The following DLG2 variants were observed in gnomAD, a reference collection of about 807,000 sequenced individuals.
The protein encoded by DLG2 is discs large MAGUK scaffold protein 2.
Under a neutral mutation model 132.5 loss-of-function variants are expected in DLG2, and 45 were observed. The observed-to-expected ratio is 0.34, with a 90% CI of 0.27 to 0.44. The LOEUF (loss-of-function observed/expected upper bound fraction) is 0.44. DLG2 is among the 20% of genes least tolerant of loss of function. DLG2 has a pLI of 1.00. For synonymous variants in DLG2, 424 were observed against 419.6 expected (o/e 1.01, Z -0.13); for missense variants, 1,045 against 1,196.9 (o/e 0.87, Z 1.87).
chr11:85,339,058 C>T (rs2082314902), intron 3 of DLG2, among the ~76,000 whole-genome samples: 1 of 152,294 alleles, frequency 6.6e-6, no homozygotes, highest in Middle Eastern at 3.4e-3. Flanking sequence ...AATAAGCAGA[C>T]ATCTGTGTAT....
At chr11:84,385,169 G>T (rs967437795) in intron 7 of DLG2, among the ~76,000 whole-genome samples, 1 of 151,796 alleles carries the variant, frequency 6.6e-6, no homozygotes, top group South Asian at 2.1e-4. Flanking sequence ...GTACAAATTC[G>T]CGAATCTAAC....
chr11:84,495,781 G>T (rs1220098353), intron 7 of DLG2, among the ~76,000 whole-genome samples: 2 of 152,166 alleles, frequency 1.3e-5, no homozygotes, highest in African/African-American at 4.8e-5. Flanking sequence ...GCTCTGTGAA[G>T]TCATGGATTC....
At chr11:84,051,165 C>G (rs1200926221) in intron 11 of DLG2, among the ~76,000 whole-genome samples, 1 of 151,918 alleles carries the variant, frequency 6.6e-6, no homozygotes, top group Admixed American at 6.6e-5. Flanking sequence ...AACACTTTTA[C>G]ACTGTTGGTG....
In DLG2 at chr11:83,660,035, G is replaced by A. The variant is rs534459778; in HGVS notation, c.1826-26710C>T. 1.8e-4 allele frequency among the ~76,000 whole-genome samples: 28 copies of A among 152,282 alleles called. No homozygotes were observed. The East Asian group carries it at 4.4e-3, about 24-fold the overall frequency. ...GACGACTAGAACTTTACAAATAAACGTTGTATAGCTGAGAAGACTAAGATA... is the reference window on the plus strand; with the variant it reads ...GACGACTAGAACTTTACAAATAAACATTGTATAGCTGAGAAGACTAAGATA... On this transcript the variant is annotated intron_variant, in intron 18 of 27. Coordinates refer to ENST00000376104, the MANE Select transcript of DLG2 (RefSeq NM_001142699.3).
intron 7 of DLG2, among the ~76,000 whole-genome samples, chr11:84,525,570 C>T (rs948679299): frequency 2.6e-5 from 4 of 152,196 alleles, no homozygotes; most frequent in African/African-American, 4.8e-5. Flanking sequence ...TTTTACATTT[C>T]ACCTGATGCT....
chr11:84,714,023 G>A (rs1467811912), intron 6 of DLG2, among the ~76,000 whole-genome samples: 1 of 151,688 alleles, frequency 6.6e-6, no homozygotes, highest in Non-Finnish European at 1.5e-5. Context: ...TATAAACCAA[G>A]GAAACCAAAA....
At chr11:84,691,261 C>CT (rs1314185807) in intron 6 of DLG2, among the ~76,000 whole-genome samples, 1 of 151,778 alleles carries the variant, frequency 6.6e-6, no homozygotes, top group African/African-American at 2.4e-5. Flanking sequence ...CTCCACTAGG[C>CT]TTCAAGCTTC....
chr11:85,420,888 C>T (rs940275915), intron 3 of DLG2, among the ~76,000 whole-genome samples: 1 of 152,204 alleles, frequency 6.6e-6, no homozygotes, highest in African/African-American at 2.4e-5. Flanking sequence ...GCCGCAGGAT[C>T]CACTGAGCTA....
chr11:84,248,411 T>C (rs1044446908), intron 8 of DLG2, among the ~76,000 whole-genome samples: 4 of 152,130 alleles, frequency 2.6e-5, no homozygotes, highest in Non-Finnish European at 4.4e-5. Flanking sequence ...TCCTCTCTTA[T>C]AGGTTAATTT....
At chr11:84,980,419 A>T (rs1392833458) in intron 6 of DLG2, among the ~76,000 whole-genome samples, 1 of 152,088 alleles carries the variant, frequency 6.6e-6, no homozygotes, top group African/African-American at 2.4e-5. Flanking sequence ...AGCTTAAAAC[A>T]TTGGAACATT....
At chr11:84,943,852 T>C (rs1425241425) in intron 6 of DLG2, among the ~76,000 whole-genome samples, 3 of 152,242 alleles carry the variant, frequency 2.0e-5, no homozygotes, top group African/African-American at 7.2e-5. Flanking sequence ...TACCTTCAGA[T>C]GATTTCTTAT....
chr11:85,543,103 C>T (rs1276116492), intron 3 of DLG2, among the ~76,000 whole-genome samples: 1 of 152,084 alleles, frequency 6.6e-6, no homozygotes, highest in African/African-American at 2.4e-5. Flanking sequence ...CCGTCATCTA[C>T]ATTAGGCATT....
intron 17 of DLG2, among the ~76,000 whole-genome samples, chr11:83,800,964 A>G (rs2044216883): frequency 6.6e-6 from 1 of 152,202 alleles, no homozygotes; most frequent in Non-Finnish European, 1.5e-5. Flanking sequence ...CTTGAAATCT[A>G]TCTGCTTACT....
At chr11:84,747,152 T>G (rs1370953480) in intron 6 of DLG2, among the ~76,000 whole-genome samples, 7 of 152,088 alleles carry the variant, frequency 4.6e-5, no homozygotes, top group Non-Finnish European at 1.0e-4. Context: ...ACAAGTTCTG[T>G]GAGGAAGAAG....
intron 5 of DLG2, among the ~76,000 whole-genome samples, chr11:85,150,051 A>G (rs1387176572): frequency 3.6e-5 from 4 of 111,090 alleles, no homozygotes; most frequent in African/African-American, 1.5e-4. Flanking sequence ...ACAGAGTCTC[A>G]CTCAGTCGCC....
intron 4 of DLG2, among the ~76,000 whole-genome samples, chr11:85,260,107 A>C (rs2076866470): frequency 6.6e-6 from 1 of 152,142 alleles, no homozygotes. Flanking sequence ...ACTTTTGTTA[A>C]GTTATTCTGC....
intron 7 of DLG2, among the ~76,000 whole-genome samples, chr11:84,453,753 C>A (rs1415295815): frequency 6.6e-6 from 1 of 151,626 alleles, no homozygotes; most frequent in Non-Finnish European, 1.5e-5. Context: ...TGACACTCAA[C>A]CAACAATGGC....
chr11:84,810,553 C>T (rs184614587), intron 6 of DLG2, among the ~76,000 whole-genome samples: 2 of 152,264 alleles, frequency 1.3e-5, no homozygotes, highest in South Asian at 2.1e-4. Context: ...ATGGTACAAC[C>T]ACTCTTGAAA....
At chr11:85,496,661 C>G (rs2093674682) in intron 3 of DLG2, among the ~76,000 whole-genome samples, 1 of 152,154 alleles carries the variant, frequency 6.6e-6, no homozygotes, top group Non-Finnish European at 1.5e-5. Flanking sequence ...GGAGACACCT[C>G]CCAGTAGGGG....
Sources: gnomAD v4.1 joint callset for allele counts (sites outside exome capture counted in the v4.1 genomes callset) on GRCh38, gnomAD v4.1.1 for gene constraint, MANE v1.5 for transcripts, NCBI Gene and HGNC (gene_info 2026-07-23, HGNC 2026-07-21) for gene names.